The following CDIN1 variants were observed in gnomAD, a reference collection of about 807,000 sequenced individuals.
CDIN1 encodes CDAN1 interacting nuclease 1.
A neutral mutation model predicts 45.3 loss-of-function variants in CDIN1; 33 were observed. The observed-to-expected ratio is 0.73, with a 90% CI of 0.55 to 0.97. CDIN1 has a LOEUF of 0.97. Ranked by LOEUF, CDIN1 falls within the 50% of genes least tolerant of loss-of-function variation. The pLI is 0.00. For missense variants in CDIN1, 303 were observed against 339.4 expected (o/e 0.89, Z 0.84); for synonymous variants, 118 against 124.4 (o/e 0.95, Z 0.34).
chr15:36,698,261 A>G (rs1207115056), intron 8 of CDIN1, among the ~76,000 whole-genome samples: 1 of 152,220 alleles, frequency 6.6e-6, no homozygotes, highest in Non-Finnish European at 1.5e-5. Flanking sequence ...CAAAGAATCT[A>G]TTCCAAATCT....
chr15:36,654,684 CAAGT>C (rs2040712837), intron 4 of CDIN1, among the ~76,000 whole-genome samples: 1 of 151,864 alleles, frequency 6.6e-6, no homozygotes, highest in Admixed American at 6.6e-5. Flanking sequence ...TTAATAACAC[CAAGT>C]AAGAAGTGAT....
chr15:36,800,707 C>A (rs997553993), intron 10 of CDIN1, among the ~76,000 whole-genome samples: 1 of 151,552 alleles, frequency 6.6e-6, no homozygotes, highest in Non-Finnish European at 1.5e-5. Context: ...ACGCACTCTT[C>A]ATAAAAACCA....
intron 1 of CDIN1, among the ~76,000 whole-genome samples, chr15:36,602,824 T>A (rs529378877): frequency 6.6e-6 from 1 of 151,714 alleles, no homozygotes; most frequent in Non-Finnish European, 1.5e-5. Flanking sequence ...TAAAAAAAAA[T>A]ATATATACAA....
At chr15:36,717,595 T>G (rs892141045) in intron 10 of CDIN1, among the ~76,000 whole-genome samples, 1 of 152,160 alleles carries the variant, frequency 6.6e-6, no homozygotes, top group Non-Finnish European at 1.5e-5. Context: ...TATTTTTAGT[T>G]CTGGCTATTA....
intron 7 of CDIN1, among the ~76,000 whole-genome samples, chr15:36,696,247 A>G (rs2042420818): frequency 6.6e-6 from 1 of 152,238 alleles, no homozygotes; most frequent in Non-Finnish European, 1.5e-5. Flanking sequence ...ATGCATACGC[A>G]TACACACACG....
chr15:36,777,647 G>T (rs2054254036), intron 10 of CDIN1, among the ~76,000 whole-genome samples: 1 of 152,126 alleles, frequency 6.6e-6, no homozygotes, highest in Admixed American at 6.5e-5. Context: ...GAGACAAGAT[G>T]TCACTCTTTC....
At chr15:36,803,017 C>T (rs1413522200) in intron 10 of CDIN1, among the ~76,000 whole-genome samples, 1 of 151,880 alleles carries the variant, frequency 6.6e-6, no homozygotes, top group Admixed American at 6.6e-5. Context: ...TTGAGATCGA[C>T]AAAGCCTGCT....
chr15:36,726,564 A>G (rs1478106298), intron 10 of CDIN1, among the ~76,000 whole-genome samples: 1 of 152,208 alleles, frequency 6.6e-6, no homozygotes, highest in East Asian at 1.9e-4. Flanking sequence ...TAGAACATTT[A>G]TCTACATAGG....
intron 7 of CDIN1, among the ~76,000 whole-genome samples, chr15:36,695,990 T>TCCA (rs2042409546): frequency 1.3e-5 from 2 of 152,234 alleles, no homozygotes; most frequent in Non-Finnish European, 2.9e-5. Context: ...ATTTTAATAC[T>TCCA]TTTTGAGAAG....
intron 8 of CDIN1, among the ~76,000 whole-genome samples, chr15:36,703,232 A>C (rs1193709054): frequency 2.3e-5 from 3 of 127,766 alleles, no homozygotes; most frequent in Non-Finnish European, 4.9e-5. Context: ...ATATATATAT[A>C]TCAGATATAT....
intron 8 of CDIN1, among the ~76,000 whole-genome samples, chr15:36,700,428 C>T (rs1349699): frequency 0.78 from 119,011 of 152,050 alleles, 47,190 homozygotes; most frequent in East Asian, 0.94. Flanking sequence ...TAGGTTACTT[C>T]CATTAAACCT....
intron 1 of CDIN1, chr15:36,594,858 A>T: frequency 4.1e-6 from 4 of 984,314 alleles, no homozygotes; most frequent in Non-Finnish European, 4.8e-6. Context: ...ATTTATAGCA[A>T]GTTGTTTGGC....
chr15:36,794,885 T>C (rs777077208), intron 10 of CDIN1, among the ~76,000 whole-genome samples: 3 of 152,114 alleles, frequency 2.0e-5, no homozygotes, highest in Non-Finnish European at 2.9e-5. Flanking sequence ...TCAACCTAAG[T>C]GTCCATCAGT....
In CDIN1 at chr15:36,729,615, C is replaced by G. The variant is rs377397726; in HGVS notation, c.716+19654C>G. On this transcript the variant is annotated intron_variant, in intron 10 of 10. Coordinates refer to ENST00000566621, the MANE Select transcript of CDIN1 (RefSeq NM_001321759.2). ...TCTGAATTGTCAAAGTGTAACTGCC[C>G]AGCTCCTGTGATGAGTGACATTATT... Among the ~76,000 whole-genome samples, 498 of 152,248 alleles carry G rather than the reference C, an allele frequency of 3.3e-3. 3 individuals carry two copies. Among genetic ancestry groups the G allele is most frequent in the African/African-American group, 0.011 (463 of 41,548 alleles).
At chr15:36,765,215 C>T (rs79825158) in intron 10 of CDIN1, among the ~76,000 whole-genome samples, 1 of 151,934 alleles carries the variant, frequency 6.6e-6, no homozygotes, top group Non-Finnish European at 1.5e-5. Flanking sequence ...GCCTCCATGC[C>T]TGGCTAATTT....
chr15:36,731,791 G>A lies in CDIN1; in HGVS notation c.716+21830G>A, dbSNP rs535041038. Among the ~76,000 whole-genome samples the A allele has an allele frequency of 6.6e-5, 10 of 152,222 alleles. No individual in the cohort carries two copies. In the East Asian group the frequency reaches 1.9e-3, roughly 29 times the overall value. ...ATGATCCCTAAAAATGGGGGCAAAA[G>A]CCAAAGTTAAGAGACATGCCAAATT... On this transcript the variant is annotated intron_variant, in intron 10 of 10. Transcript: ENST00000566621.
intron 1 of CDIN1, chr15:36,627,370 G>T: frequency 6.3e-6 from 1 of 158,448 alleles, no homozygotes; most frequent in South Asian, 1.8e-4. Flanking sequence ...GGTCCTTGTT[G>T]GAGAGCACAT....
intron 1 of CDIN1, among the ~76,000 whole-genome samples, chr15:36,588,770 C>T (rs940251379): frequency 1.3e-4 from 19 of 151,912 alleles, no homozygotes; most frequent in African/African-American, 4.4e-4. Flanking sequence ...GTGTATGGCC[C>T]CTTCACTTTC....
At chr15:36,717,655 T>C (rs1326038499) in intron 10 of CDIN1, among the ~76,000 whole-genome samples, 1 of 152,174 alleles carries the variant, frequency 6.6e-6, no homozygotes, top group Admixed American at 6.6e-5. Flanking sequence ...ATGATTTCAT[T>C]ACTCTTGAGT....
Sources: gnomAD v4.1 joint callset for allele counts (sites outside exome capture counted in the v4.1 genomes callset) on GRCh38, gnomAD v4.1.1 for gene constraint, MANE v1.5 for transcripts, NCBI Gene and HGNC (gene_info 2026-07-23, HGNC 2026-07-21) for gene names.